Variants in DDAH1 observed in about 807,000 individuals in gnomAD.
DDAH1 encodes dimethylarginine dimethylaminohydrolase 1.
Under a neutral mutation model 28.8 loss-of-function variants are expected in DDAH1, and 19 were observed. That is an observed-to-expected ratio of 0.66 (90% CI 0.46 to 0.97). DDAH1 has a LOEUF of 0.97. Ranked by LOEUF, DDAH1 falls within the 50% of genes least tolerant of loss-of-function variation. DDAH1 has a pLI of 0.00. For missense variants in DDAH1, 326 were observed against 375.9 expected, an observed-to-expected ratio of 0.87 and a Z score of 1.10; for synonymous variants, 153 against 154.4, an observed-to-expected ratio of 0.99 and a Z score of 0.07.
At chr1:85,385,318 C>T (rs1308942493) in intron 1 of DDAH1, among the ~76,000 whole-genome samples, 2 of 152,162 alleles carry the variant, frequency 1.3e-5, no homozygotes, top group Non-Finnish European at 2.9e-5. Context: ...AAACAATCCA[C>T]TGAAGGCTGG....
intron 2 of DDAH1, among the ~76,000 whole-genome samples, chr1:85,485,239 A>G (rs983092555): frequency 6.6e-6 from 1 of 152,202 alleles, no homozygotes; most frequent in African/African-American, 2.4e-5. Flanking sequence ...CACATAAGTC[A>G]TATGATAAAC....
At chr1:85,433,170 C>T (rs1433076331) in intron 1 of DDAH1, among the ~76,000 whole-genome samples, 4 of 151,806 alleles carry the variant, frequency 2.6e-5, no homozygotes, top group Admixed American at 2.6e-4. Flanking sequence ...CCTCTATGTG[C>T]CACTAGTGAT....
intron 4 of DDAH1, among the ~76,000 whole-genome samples, chr1:85,338,162 A>C (rs991768649): frequency 6.6e-6 from 1 of 152,212 alleles, no homozygotes; most frequent in Non-Finnish European, 1.5e-5. Flanking sequence ...ACTTTTCTCT[A>C]TGTCTGAGGG....
intron 1 of DDAH1, among the ~76,000 whole-genome samples, chr1:85,563,979 C>T (rs111713815): frequency 0.038 from 5,788 of 152,218 alleles, 337 homozygotes; most frequent in African/African-American, 0.13. Context: ...CGAAACCATC[C>T]TGGTCAACAT....
At chr1:85,417,184 C>T (rs889832275) in intron 1 of DDAH1, among the ~76,000 whole-genome samples, 1 of 152,178 alleles carries the variant, frequency 6.6e-6, no homozygotes, top group Non-Finnish European at 1.5e-5. Context: ...AAATCTGAGA[C>T]CCCGACAGCC....
chr1:85,567,998 A>T (rs538714050), intron 1 of DDAH1, among the ~76,000 whole-genome samples: 128 of 152,344 alleles, frequency 8.4e-4, no homozygotes, highest in Non-Finnish European at 1.7e-3. Flanking sequence ...TCTGACCACA[A>T]TAAAATGAAG....
chr1:85,557,202 G>A (rs1658997595), intron 1 of DDAH1, among the ~76,000 whole-genome samples: 1 of 152,194 alleles, frequency 6.6e-6, no homozygotes, highest in African/African-American at 2.4e-5. Flanking sequence ...TCTCTTCAGT[G>A]AAGACAGGAA....
At chr1:85,490,504 A>G (rs1164507386) in intron 2 of DDAH1, among the ~76,000 whole-genome samples, 1 of 152,232 alleles carries the variant, frequency 6.6e-6, no homozygotes, top group Admixed American at 6.5e-5. Context: ...CAGCAAAGCC[A>G]TTAAGCAAAG....
chr1:85,466,824 T>C (rs1264010663), upstream of DDAH1, among the ~76,000 whole-genome samples: 1 of 128,576 alleles, frequency 7.8e-6, no homozygotes, highest in East Asian at 2.2e-4. Context: ...ATTAGTTCAT[T>C]ATTTATTCTT....
chr1:85,392,315 A>C (rs1651591315), intron 1 of DDAH1, among the ~76,000 whole-genome samples: 1 of 152,082 alleles, frequency 6.6e-6, no homozygotes, highest in Non-Finnish European at 1.5e-5. Flanking sequence ...TCTTCTTATA[A>C]AGCCACAGTT....
At chr1:85,458,144 CCTAAA>C (rs571115068) in intron 1 of DDAH1, among the ~76,000 whole-genome samples, 44 of 152,212 alleles carry the variant, frequency 2.9e-4, no homozygotes, top group Non-Finnish European at 5.0e-4. Context: ...AATTTGCTAA[CCTAAA>C]CTAAGTCGGG....
intron 1 of DDAH1, among the ~76,000 whole-genome samples, chr1:85,513,403 A>C (rs923738505): frequency 6.6e-6 from 1 of 152,228 alleles, no homozygotes; most frequent in Non-Finnish European, 1.5e-5. Context: ...AAACCCTAGA[A>C]GAAAACCTAG....
chr1:85,455,793 A>G (rs1654857198), intron 1 of DDAH1, among the ~76,000 whole-genome samples: 1 of 152,192 alleles, frequency 6.6e-6, no homozygotes, highest in Non-Finnish European at 1.5e-5. Flanking sequence ...CTTCTATAGA[A>G]AAAATTACTT....
intron 1 of DDAH1, among the ~76,000 whole-genome samples, chr1:85,410,411 G>A (rs1253607453): frequency 1.3e-5 from 2 of 152,082 alleles, no homozygotes; most frequent in South Asian, 2.1e-4. Context: ...AGGCTGAGGC[G>A]GGTGGATCAC....
chr1:85,570,660 G>T (rs1659428830), intron 1 of DDAH1, among the ~76,000 whole-genome samples: 1 of 152,194 alleles, frequency 6.6e-6, no homozygotes, highest in Non-Finnish European at 1.5e-5. Flanking sequence ...GCCTAGCAAA[G>T]AAGCAAAGAT....
chr1:85,497,976 C>A (rs1232827845), intron 1 of DDAH1, among the ~76,000 whole-genome samples: 1 of 152,200 alleles, frequency 6.6e-6, no homozygotes, highest in African/African-American at 2.4e-5. Flanking sequence ...ACCAGCATCT[C>A]TCTGGGTGAA....
intron 1 of DDAH1, among the ~76,000 whole-genome samples, chr1:85,385,524 A>G (rs138821169): frequency 6.6e-6 from 1 of 152,326 alleles, no homozygotes; most frequent in Non-Finnish European, 1.5e-5. Flanking sequence ...AAAACCCATA[A>G]GTTTGGACCA....
chr1:85,340,507 T>A (rs1240781303), intron 4 of DDAH1, among the ~76,000 whole-genome samples: 1 of 152,126 alleles, frequency 6.6e-6, no homozygotes, highest in East Asian at 1.9e-4. Flanking sequence ...ATCTGGTCCC[T>A]TTTTCTCCCT....
chr1:85,478,796 G>T (rs1655890808), intron 2 of DDAH1, among the ~76,000 whole-genome samples: 1 of 152,190 alleles, frequency 6.6e-6, no homozygotes, highest in African/African-American at 2.4e-5. Context: ...TCATTGACGG[G>T]TAAGTTGGAG....
Sources: allele counts gnomAD v4.1 joint callset (sites outside exome capture counted in the v4.1 genomes callset), GRCh38; gene constraint gnomAD v4.1.1; transcripts MANE v1.5; gene names NCBI Gene and HGNC (gene_info 2026-07-23, HGNC 2026-07-21).